Variants in DCC observed in about 807,000 individuals in gnomAD.
DCC encodes netrin receptor DCC.
Under a neutral mutation model 172.5 loss-of-function variants are expected in DCC, and 58 were observed. The observed-to-expected ratio is 0.34, with a 90% CI of 0.27 to 0.42. The LOEUF is 0.42. Ranked by LOEUF, DCC falls within the 10% of genes least tolerant of loss-of-function variation. The probability of loss-of-function intolerance (pLI) is 1.00; values close to 1 mark genes in which losing one functional copy is unlikely to be tolerated. For missense variants in DCC, 1,740 were observed against 1,791.0 expected (o/e 0.97, Z 0.51); for synonymous variants, 709 against 644.5 (o/e 1.10, Z -1.52).
At chr18:53,217,303 A>G (rs7243400) in intron 12 of DCC, among the ~76,000 whole-genome samples, 1 of 80,542 alleles carries the variant, frequency 1.2e-5, no homozygotes, top group Non-Finnish European at 2.3e-5. Context: ...ACACACACAT[A>G]TGTATATACA....
chr18:52,459,745 A>G (rs888237654), intron 1 of DCC, among the ~76,000 whole-genome samples: 1 of 152,144 alleles, frequency 6.6e-6, no homozygotes, highest in Admixed American at 6.6e-5. Context: ...CTGGGATTAC[A>G]GGCGTGAGCA....
chr18:52,386,017 G>A (rs1985785663), intron 1 of DCC, among the ~76,000 whole-genome samples: 1 of 152,034 alleles, frequency 6.6e-6, no homozygotes, highest in African/African-American at 2.4e-5. Flanking sequence ...TACTTACGCA[G>A]ATATAGGTAG....
At chr18:53,270,495 C>T (rs557641415) in intron 12 of DCC, among the ~76,000 whole-genome samples, 1 of 152,188 alleles carries the variant, frequency 6.6e-6, no homozygotes, top group African/African-American at 2.4e-5. Flanking sequence ...CAGATCTCAA[C>T]ATTAAAATGA....
intron 15 of DCC, among the ~76,000 whole-genome samples, chr18:53,363,608 G>A (rs1025088298): frequency 1.2e-4 from 18 of 152,036 alleles, no homozygotes; most frequent in African/African-American, 4.1e-4. Context: ...ACATATGGTC[G>A]CTTTGAACTT....
intron 7 of DCC, among the ~76,000 whole-genome samples, chr18:53,114,098 A>G (rs2043375530): frequency 6.6e-6 from 1 of 151,524 alleles, no homozygotes; most frequent in Non-Finnish European, 1.5e-5. Context: ...GGAAATTGGT[A>G]TCCCATAGCC....
intron 14 of DCC, among the ~76,000 whole-genome samples, chr18:53,326,959 T>C (rs1429942269): frequency 6.6e-6 from 1 of 152,208 alleles, no homozygotes; most frequent in Non-Finnish European, 1.5e-5. Flanking sequence ...CTTCAGAGCC[T>C]GATGGTGATC....
intron 11 of DCC, among the ~76,000 whole-genome samples, chr18:53,208,497 G>C (rs572094063): frequency 1.9e-4 from 25 of 130,294 alleles, no homozygotes; most frequent in South Asian, 2.2e-4. Flanking sequence ...ATGATTAAAG[G>C]TGTAAATGAT....
chr18:52,543,363 G>A (rs1157808995), intron 1 of DCC, among the ~76,000 whole-genome samples: 17 of 152,112 alleles, frequency 1.1e-4, no homozygotes, highest in Admixed American at 6.6e-4. Flanking sequence ...AATTCAGGGT[G>A]TATTTTACAC....
chr18:52,892,695 G>T (rs975411217), intron 2 of DCC, among the ~76,000 whole-genome samples: 4 of 152,052 alleles, frequency 2.6e-5, no homozygotes, highest in Non-Finnish European at 5.9e-5. Context: ...TCTGGGTCAG[G>T]TTATCAAAAA....
At chr18:52,948,921 G>T (rs528120747) in intron 5 of DCC, among the ~76,000 whole-genome samples, 19 of 152,278 alleles carry the variant, frequency 1.2e-4, no homozygotes, top group African/African-American at 4.3e-4. Context: ...CCAAATCAAG[G>T]TTCAAACCCA....
chr18:52,635,285 T>C (rs2034752548), intron 1 of DCC, among the ~76,000 whole-genome samples: 1 of 152,216 alleles, frequency 6.6e-6, no homozygotes. Context: ...AGTCCTTTGA[T>C]GCAGGGCAAT....
At chr18:52,996,860 C>G (rs1347107366) in intron 5 of DCC, among the ~76,000 whole-genome samples, 3 of 150,118 alleles carry the variant, frequency 2.0e-5, no homozygotes, top group Non-Finnish European at 4.4e-5. Context: ...CTTTCCCTAC[C>G]CTGCTGAAAT....
intron 2 of DCC, among the ~76,000 whole-genome samples, chr18:52,844,526 A>T (rs1041581830): frequency 6.6e-6 from 1 of 152,184 alleles, no homozygotes; most frequent in African/African-American, 2.4e-5. Flanking sequence ...GGAGTTTGCA[A>T]CCATTTCCTC....
intron 5 of DCC, among the ~76,000 whole-genome samples, chr18:52,977,884 C>CA (rs1348740664): frequency 0.022 from 2,242 of 99,890 alleles, 46 homozygotes; most frequent in African/African-American, 0.067. Flanking sequence ...GACTCCATCT[C>CA]AAAAAAAAAA....
intron 2 of DCC, among the ~76,000 whole-genome samples, chr18:52,882,533 G>A (rs2039502070): frequency 6.6e-6 from 1 of 151,790 alleles, no homozygotes; most frequent in Admixed American, 6.6e-5. Context: ...TCTTGATTCA[G>A]GAGCATACTG....
intron 1 of DCC, among the ~76,000 whole-genome samples, chr18:52,583,261 A>G (rs1464773126): frequency 1.3e-5 from 2 of 152,214 alleles, no homozygotes; most frequent in Non-Finnish European, 2.9e-5. Context: ...TCAATGTGCA[A>G]TAAAAACACT....
chr18:53,066,353 GTATATATATATATATATATATATATA>G lies in DCC; in HGVS notation c.1261+207_1261+232del, dbSNP rs10526030. Among the ~76,000 whole-genome samples the G allele has an allele frequency of 3.3e-3, 308 of 94,588 alleles. 1 individual carries two copies. The highest frequency in any genetic ancestry group is 9.1e-3 in the South Asian group (25 of 2,740). 62.1% of individuals were successfully genotyped at this position (94,588 alleles called of 152,430 possible). On this transcript the variant is annotated intron_variant, in intron 7 of 28. Coordinates refer to ENST00000442544, the MANE Select transcript of DCC (RefSeq NM_005215.4). The stretch of plus-strand genomic sequence containing the variant: ...TAGAAAATTGTGTGTGTACATGTGT[GTATATATATATATATATATATATATA>G]TATATATATATATATATATGTGCAT...
chr18:52,932,937 T>A (rs2040329791), intron 5 of DCC, among the ~76,000 whole-genome samples: 1 of 152,066 alleles, frequency 6.6e-6, no homozygotes, highest in African/African-American at 2.4e-5. Context: ...TGCAAATAGA[T>A]AATAGACTAA....
chr18:52,488,102 G>A (rs1476154610), intron 1 of DCC, among the ~76,000 whole-genome samples: 1 of 152,072 alleles, frequency 6.6e-6, no homozygotes, highest in Non-Finnish European at 1.5e-5. Flanking sequence ...AAAGAAAGAA[G>A]CACTTTAAAA....
Sources: gnomAD v4.1 joint callset for allele counts (sites outside exome capture counted in the v4.1 genomes callset) on GRCh38, gnomAD v4.1.1 for gene constraint, MANE v1.5 for transcripts, NCBI Gene and HGNC (gene_info 2026-07-23, HGNC 2026-07-21) for gene names.